SPART: variants seen among roughly 807,000 people sequenced by gnomAD.
SPART encodes the protein spartin, also known as spastic paraplegia 20 (Troyer syndrome).
Under a neutral mutation model 58.7 loss-of-function variants are expected in SPART, and 35 were observed. The observed-to-expected ratio is 0.60, with a 90% confidence interval of 0.46 to 0.79. The LOEUF (loss-of-function observed/expected upper bound fraction) is 0.79. Among genes scored for constraint, SPART ranks in the 30% least tolerant of loss-of-function variants. The pLI is 0.00. For synonymous variants in SPART, 284 were observed against 280.7 expected (o/e 1.01, Z -0.12); for missense variants, 730 against 786.1 (o/e 0.93, Z 0.85).
intron 1 of SPART, among the ~76,000 whole-genome samples, chr13:36,339,627 C>CAAAAAAAAAAAAAAAAAAAAAAAA (rs71084420): frequency 2.6e-5 from 1 of 38,808 alleles, no homozygotes. Context: ...ACGACTCCAT[C>CAAAAAAAAAAAAAAAAAAAAAAAA]AAAAAAAAAA....
At chr13:36,342,741 A>G (rs999934673) in intron 1 of SPART, among the ~76,000 whole-genome samples, 1 of 152,134 alleles carries the variant, frequency 6.6e-6, no homozygotes, top group Non-Finnish European at 1.5e-5. Context: ...TGTGCCCCCC[A>G]GGACAAATGA....
intron 5 of SPART, among the ~76,000 whole-genome samples, chr13:36,324,786 G>C (rs144073669): frequency 6.6e-6 from 1 of 152,314 alleles, no homozygotes; most frequent in East Asian, 1.9e-4. Context: ...GAGAGTCAGC[G>C]AAGGGAGATA....
chr13:36,338,227 C>T (rs551625247), intron 1 of SPART, among the ~76,000 whole-genome samples: 49 of 152,180 alleles, frequency 3.2e-4, no homozygotes, highest in African/African-American at 1.1e-3. Context: ...GATCAGGGTA[C>T]TATATGCATT....
intron 5 of SPART, among the ~76,000 whole-genome samples, chr13:36,324,120 T>C (rs985707945): frequency 6.6e-6 from 1 of 152,212 alleles, no homozygotes; most frequent in African/African-American, 2.4e-5. Context: ...CTATTCTGAA[T>C]GTTAATCTTT....
chr13:36,323,663 A>T (rs1400084467), intron 5 of SPART, among the ~76,000 whole-genome samples: 1 of 152,134 alleles, frequency 6.6e-6, no homozygotes, highest in African/African-American at 2.4e-5. Flanking sequence ...CCCTGGAGTA[A>T]ATCTTTATTA....
intron 1 of SPART, chr13:36,365,802 A>G (rs1886030187): frequency 3.4e-6 from 1 of 291,370 alleles, no homozygotes; most frequent in Non-Finnish European, 7.0e-6. Flanking sequence ...TGGGTGGACT[A>G]AAGACCTATC....
intron 4 of SPART, among the ~76,000 whole-genome samples, chr13:36,328,213 A>G (rs1883135382): frequency 6.6e-6 from 1 of 152,218 alleles, no homozygotes; most frequent in Non-Finnish European, 1.5e-5. Context: ...TTCAACATAA[A>G]CCACAGTGAC....
intron 1 of SPART, among the ~76,000 whole-genome samples, chr13:36,353,743 A>G (rs1885512690): frequency 6.6e-6 from 1 of 152,236 alleles, no homozygotes; most frequent in Admixed American, 6.5e-5. Flanking sequence ...TAGCCAAGAC[A>G]GGCAGATGTT....
chr13:36,302,679 C>A lies in SPART; in HGVS notation c.*1686G>T, dbSNP rs932843231. The A allele has an allele frequency of 6.6e-6, 1 of 151,976 alleles. No homozygotes were observed. The highest frequency in any genetic ancestry group is 1.5e-5 in the Non-Finnish European group (1 of 67,982). 9.4% of individuals were successfully genotyped at this position (151,976 alleles called of 1,614,324 possible). A position where few individuals can be genotyped will look rare whatever the true frequency, so the allele number is the denominator to read the frequency against. ...CATGAGATATTTTGATACAGGTATG[C>A]GATTTATAATAATTACATCAGGGTG... On this transcript the variant is annotated 3_prime_UTR_variant, in exon 9 of 9. Coordinates refer to ENST00000438666, the MANE Select transcript of SPART (RefSeq NM_015087.5).
At chr13:36,325,855 C>T (rs1340227163) in intron 5 of SPART, 1 of 152,256 alleles carries the variant, frequency 6.6e-6, no homozygotes, top group Non-Finnish European at 1.5e-5. Flanking sequence ...TGAACATGGT[C>T]TCATTTTTTG....
rs551282507 is a variant in SPART, at chr13:36,341,195, C to A, written c.-3+5030G>T. Among the ~76,000 whole-genome samples the A allele has an allele frequency of 2.0e-5, 3 of 152,114 alleles. No individual in the cohort carries two copies. The South Asian group carries it at 6.2e-4, about 32-fold the overall frequency. ...GGAAGGGGTAAGATTTTTCTTAAAT[C>A]TATGTGTATGATAGAAAATTTAATT... is the stretch of plus-strand genomic sequence containing the variant. On this transcript the variant is annotated intron_variant, in intron 1 of 8. Coordinates refer to ENST00000438666, the MANE Select transcript of SPART (RefSeq NM_015087.5).
intron 1 of SPART, among the ~76,000 whole-genome samples, chr13:36,367,333 T>C (rs1886098686): frequency 6.6e-6 from 1 of 152,100 alleles, no homozygotes; most frequent in African/African-American, 2.4e-5. Context: ...CATGGCACCC[T>C]GCACTTGCAT....
At chr13:36,349,083 A>G (rs1221726193), upstream of SPART, among the ~76,000 whole-genome samples, 1 of 152,078 alleles carries the variant, frequency 6.6e-6, no homozygotes, top group Non-Finnish European at 1.5e-5. Flanking sequence ...GACCAACATG[A>G]AGAAACCCGG....
Position 36,312,386 on chromosome 13 carries a change from AAG to A in SPART, c.1573_1574del (p.Leu525Ter), listed in dbSNP as rs781247591. Reference sequence around the variant, plus strand: ...GAGATTTCCCATCTTTGTCTTTTTTAAGAGATTCTGGAACAAGTTTGCTTCCA... The same window carrying A: ...GAGATTTCCCATCTTTGTCTTTTTTAAGATTCTGGAACAAGTTTGCTTCCA... ...KHGSKLVPESLKKDKDGKSPL... is the reference protein window; with the variant it reads ...KHGSKLVPESXKKDKDGKSPL... On this transcript the variant is annotated frameshift_variant, in exon 7 of 9. Transcript: ENST00000438666. LOFTEE classifies it high-confidence loss of function. 6.2e-7 allele frequency: 1 copy of A among 1,614,150 alleles called. No individual in the cohort carries two copies. The highest frequency in any genetic ancestry group is 2.2e-5 in the East Asian group (1 of 44,862).
At chr13:36,325,870 G>A (rs1475584467) in intron 5 of SPART, 2 of 152,146 alleles carry the variant, frequency 1.3e-5, no homozygotes, top group Non-Finnish European at 2.9e-5. Flanking sequence ...TTTTTGGGTG[G>A]GTATCTGAGT....
chr13:36,314,872 A>C (rs1440769498), intron 5 of SPART, among the ~76,000 whole-genome samples: 1 of 152,180 alleles, frequency 6.6e-6, no homozygotes, highest in Non-Finnish European at 1.5e-5. Context: ...ACATCACAAA[A>C]TGGAAACCAA....
intron 1 of SPART, among the ~76,000 whole-genome samples, chr13:36,355,135 G>C (rs1008408427): frequency 5.3e-5 from 8 of 152,144 alleles, no homozygotes; most frequent in African/African-American, 1.7e-4. Context: ...GGGTATGTGG[G>C]TTCACAACAC....
At chr13:36,323,096 C>T (rs755051) in intron 5 of SPART, among the ~76,000 whole-genome samples, 51,826 of 151,730 alleles carry the variant, frequency 0.34, 9,580 homozygotes, top group Non-Finnish European at 0.42. Context: ...ACTCTCAACC[C>T]TAGGATGATA....
At chr13:36,368,164 T>G (rs1028388842) in intron 1 of SPART, 2 of 457,676 alleles carry the variant, frequency 4.4e-6, no homozygotes, top group South Asian at 1.6e-5. Flanking sequence ...AAAAAATAAA[T>G]TCTTTCATTT....
Sources: gnomAD v4.1 joint callset for allele counts (sites outside exome capture counted in the v4.1 genomes callset) on GRCh38, gnomAD v4.1.1 for gene constraint, MANE v1.5 for transcripts, NCBI Gene and HGNC (gene_info 2026-07-23, HGNC 2026-07-21) for gene names.